GPC5: variants seen among roughly 807,000 people sequenced by gnomAD.
The protein encoded by GPC5 is glypican-5.
In GPC5, 47 loss-of-function variants were observed where a neutral mutation model predicts 53.9. The observed-to-expected ratio is 0.87, with a 90% CI of 0.69 to 1.11. The LOEUF is 1.11. GPC5 is among the 50% of genes most tolerant of loss of function. The pLI is 0.00. For missense variants in GPC5, 748 were observed against 713.1 expected, an observed-to-expected ratio of 1.05 and a Z score of -0.56; for synonymous variants, 286 against 263.3, an observed-to-expected ratio of 1.09 and a Z score of -0.84.
chr13:91,716,802 A>G (rs1212659975), intron 3 of GPC5, among the ~76,000 whole-genome samples: 2 of 152,222 alleles, frequency 1.3e-5, no homozygotes, highest in Non-Finnish European at 1.5e-5. Context: ...ATGATATTAT[A>G]TTTGAGTACT....
chr13:91,503,817 A>AATAATCATCATCATCATC (rs1555316221), intron 2 of GPC5, among the ~76,000 whole-genome samples: 10 of 147,416 alleles, frequency 6.8e-5, no homozygotes, highest in African/African-American at 2.5e-4. Context: ...TAATAATAAT[A>AATAATCATCATCATCATC]ATCAGGCTGT....
At chr13:92,401,358 TTAC>T (rs1484977847) in intron 7 of GPC5, among the ~76,000 whole-genome samples, 1 of 152,120 alleles carries the variant, frequency 6.6e-6, no homozygotes, top group Non-Finnish European at 1.5e-5. Context: ...AAATGACTAC[TTAC>T]TATATTAGAA....
chr13:91,659,747 C>G (rs1378942360), intron 2 of GPC5, among the ~76,000 whole-genome samples: 1 of 152,058 alleles, frequency 6.6e-6, no homozygotes, highest in Non-Finnish European at 1.5e-5. Flanking sequence ...CCACCTGTCC[C>G]CCACCGCCTC....
Position 91,410,345 on chromosome 13 carries a change from T to C in GPC5, c.163+11136T>C, listed in dbSNP as rs1315013927. Among the ~76,000 whole-genome samples the C allele has an allele frequency of 2.4e-4, 34 of 139,248 alleles. No individual in the cohort carries two copies. In the East Asian group the frequency reaches 2.8e-3, roughly 12 times the overall value. The allele number at this position is 139,248 out of a possible 152,430, so 91.4% of individuals were successfully genotyped here. A position where few individuals can be genotyped will look rare whatever the true frequency, so the allele number is the denominator to read the frequency against. On this transcript the variant is annotated intron_variant, in intron 1 of 7. Coordinates refer to ENST00000377067, the MANE Select transcript of GPC5 (RefSeq NM_004466.6). ...TAGTAGAATCGTTTCCATTCTTTTTTTTTTTTTTTTTTTTTTTTGAGACCA... is the reference window on the plus strand; with the variant it reads ...TAGTAGAATCGTTTCCATTCTTTTTCTTTTTTTTTTTTTTTTTTGAGACCA...
chr13:92,827,146 G>C (rs1358053265), intron 7 of GPC5, among the ~76,000 whole-genome samples: 1 of 151,974 alleles, frequency 6.6e-6, no homozygotes, highest in Non-Finnish European at 1.5e-5. Flanking sequence ...AATCATGTGG[G>C]GGAGAGAGAA....
chr13:92,120,345 G>C (rs146355640), intron 6 of GPC5, among the ~76,000 whole-genome samples: 1 of 151,974 alleles, frequency 6.6e-6, no homozygotes, highest in East Asian at 1.9e-4. Flanking sequence ...CTGTAGCCTC[G>C]ATCTTCAGCT....
chr13:92,424,228 A>G (rs1444313110), intron 7 of GPC5, among the ~76,000 whole-genome samples: 1 of 152,166 alleles, frequency 6.6e-6, no homozygotes, highest in Non-Finnish European at 1.5e-5. Context: ...AGAAACTCAA[A>G]AGTAATCAAA....
chr13:92,052,452 C>T (rs751975531), intron 6 of GPC5, among the ~76,000 whole-genome samples: 5 of 152,200 alleles, frequency 3.3e-5, no homozygotes, highest in Non-Finnish European at 5.9e-5. Context: ...GTTGCTGCCA[C>T]TGGCTAGGGT....
intron 1 of GPC5, among the ~76,000 whole-genome samples, chr13:91,420,197 C>T (rs1209474581): frequency 1.5e-5 from 2 of 134,890 alleles, no homozygotes; most frequent in African/African-American, 3.9e-5. Context: ...TTATCTCAGC[C>T]TAGTGAGCTT....
At chr13:92,268,123 A>C (rs2139151169) in intron 7 of GPC5, among the ~76,000 whole-genome samples, 1 of 146,744 alleles carries the variant, frequency 6.8e-6, no homozygotes, top group Non-Finnish European at 1.5e-5. Context: ...ACTTAAAAAA[A>C]AAATCGCAAA....
intron 6 of GPC5, among the ~76,000 whole-genome samples, chr13:92,025,430 C>A (rs1228899092): frequency 1.3e-5 from 2 of 152,118 alleles, no homozygotes; most frequent in African/African-American, 4.8e-5. Context: ...CATTAGTTTT[C>A]TTCCCTTCAC....
At chr13:91,571,369 G>C (rs1358149707) in intron 2 of GPC5, among the ~76,000 whole-genome samples, 1 of 152,086 alleles carries the variant, frequency 6.6e-6, no homozygotes, top group Non-Finnish European at 1.5e-5. Context: ...AAAAGATCTG[G>C]TCATTAACAG....
chr13:92,222,712 G>A (rs371435295), intron 7 of GPC5, among the ~76,000 whole-genome samples: 12 of 151,804 alleles, frequency 7.9e-5, no homozygotes, highest in Non-Finnish European at 1.3e-4. Flanking sequence ...TGGATAATAC[G>A]CCCCGATTTA....
chr13:91,981,376 G>A (rs1490859869), intron 6 of GPC5, among the ~76,000 whole-genome samples: 2 of 150,670 alleles, frequency 1.3e-5, no homozygotes, highest in East Asian at 2.0e-4. Flanking sequence ...TGCAAGCTCC[G>A]CCTCCCGGGT....
intron 7 of GPC5, among the ~76,000 whole-genome samples, chr13:92,518,593 C>T (rs1252676493): frequency 6.6e-6 from 1 of 152,128 alleles, no homozygotes; most frequent in African/African-American, 2.4e-5. Context: ...ATTTTGTCAC[C>T]ACCAGGCCTG....
chr13:91,931,267 T>C (rs2139031928), intron 6 of GPC5, among the ~76,000 whole-genome samples: 1 of 152,148 alleles, frequency 6.6e-6, no homozygotes, highest in East Asian at 1.9e-4. Flanking sequence ...ATAATATTTG[T>C]GTATGAATTC....
chr13:92,182,232 C>G (rs1365684002), intron 7 of GPC5, among the ~76,000 whole-genome samples: 3 of 152,136 alleles, frequency 2.0e-5, no homozygotes, highest in Non-Finnish European at 4.4e-5. Flanking sequence ...TATATTTTAA[C>G]AATTCTATCC....
chr13:91,853,665 TGAA>T lies in GPC5; in HGVS notation c.1281-54270_1281-54268del, dbSNP rs557214766. On this transcript the variant is annotated intron_variant, in intron 5 of 7. Transcript: ENST00000377067. ...GTGTGCTTTCCAACAACAACATTCA[TGAA>T]GTTGACTTTGAAATATTTTAACTTA... Among the ~76,000 whole-genome samples, 23 of 152,156 alleles carry T rather than the reference TGAA, an allele frequency of 1.5e-4. No individual in the cohort carries two copies. In the East Asian group the frequency reaches 4.4e-3, roughly 29 times the overall value.
chr13:91,619,641 T>C (rs969976081), intron 2 of GPC5, among the ~76,000 whole-genome samples: 2 of 151,990 alleles, frequency 1.3e-5, no homozygotes, highest in African/African-American at 2.4e-5. Flanking sequence ...TCCATGAATG[T>C]CACACACACA....
Sources: gnomAD v4.1 joint callset for allele counts (sites outside exome capture counted in the v4.1 genomes callset) on GRCh38, gnomAD v4.1.1 for gene constraint, MANE v1.5 for transcripts, NCBI Gene and HGNC (gene_info 2026-07-23, HGNC 2026-07-21) for gene names.